MED12L: variants seen among roughly 807,000 people sequenced by gnomAD.
MED12L encodes the protein mediator complex subunit 12L.
Under a neutral mutation model 281.3 loss-of-function variants are expected in MED12L, and 60 were observed. The observed-to-expected ratio is 0.21, with a 90% confidence interval of 0.17 to 0.26. The LOEUF is 0.26. MED12L is among the 10% of genes least tolerant of loss of function. The probability of loss-of-function intolerance (pLI) is 1.00; values close to 1 mark genes in which losing one functional copy is unlikely to be tolerated. For synonymous variants in MED12L, 974 were observed against 987.2 expected (o/e 0.99, Z 0.25); for missense variants, 2,146 against 2,680.9 (o/e 0.80, Z 4.41).
chr3:151,137,484 A>G (rs1008178309), intron 5 of MED12L, among the ~76,000 whole-genome samples: 1 of 152,172 alleles, frequency 6.6e-6, no homozygotes, highest in Non-Finnish European at 1.5e-5. Context: ...GTATTTAGAA[A>G]GCAAGATCTG....
chr3:151,179,854 C>G (rs1722506858), intron 11 of MED12L, among the ~76,000 whole-genome samples: 1 of 152,188 alleles, frequency 6.6e-6, no homozygotes, highest in Non-Finnish European at 1.5e-5. Context: ...TGAAGACATT[C>G]AATCTGAGAA....
At chr3:151,419,816 A>T (rs959542762) in intron 43 of MED12L, among the ~76,000 whole-genome samples, 6 of 152,254 alleles carry the variant, frequency 3.9e-5, no homozygotes, top group African/African-American at 1.2e-4. Flanking sequence ...AAATCCTGAT[A>T]TGAAGTCAGT....
At position 151,436,647 on chromosome 3, in the gene MED12L, AAAT is replaced by A. The variant is rs142016761; in HGVS notation, c.*3846_*3848del. ...TGCCTTTGATTAAACTTCTTCCAAA[AAAT>A]AAATTCTGCCCAGATGTTGTTGACT... On this transcript the variant is annotated 3_prime_UTR_variant, in exon 45 of 45. Transcript: ENST00000687756. 7.0e-7 allele frequency: 1 copy of A among 1,423,182 alleles called. No individual in the cohort carries two copies. The highest frequency in any genetic ancestry group is 9.6e-7 in the Non-Finnish European group (1 of 1,045,480). The allele number at this position is 1,423,182 out of a possible 1,614,324, so 88.2% of individuals were successfully genotyped here. A position where few individuals can be genotyped will look rare whatever the true frequency, so the allele number is the denominator to read the frequency against.
intron 11 of MED12L, among the ~76,000 whole-genome samples, chr3:151,175,347 T>C (rs1721916872): frequency 1.3e-5 from 2 of 152,244 alleles, no homozygotes; most frequent in South Asian, 4.1e-4. Flanking sequence ...TTTATAAACA[T>C]GTCCTTTTAG....
chr3:151,242,503 G>T lies in MED12L; in HGVS notation c.2250+48837G>T, dbSNP rs563322688. Among the ~76,000 whole-genome samples, 289 of 152,306 alleles carry T rather than the reference G, an allele frequency of 1.9e-3. 1 individual carries two copies. The highest frequency in any genetic ancestry group is 6.7e-3 in the African/African-American group (279 of 41,542). ...AACTGGGAGGCACCCCCCAGCAGGG[G>T]CACACTGACACCTCACACAGCAGGG... On this transcript the variant is annotated intron_variant, in intron 16 of 44. Coordinates refer to ENST00000687756, the MANE Select transcript of MED12L (RefSeq NM_001393769.1).
chr3:151,235,036 G>A (rs1230842929), intron 16 of MED12L, among the ~76,000 whole-genome samples: 1 of 152,214 alleles, frequency 6.6e-6, no homozygotes, highest in Admixed American at 6.5e-5. Context: ...TGCGGTGGAG[G>A]TTGTGAAGAA....
rs114488170 is a variant in MED12L, at chr3:151,137,190, C to T, written c.556+9206C>T. 6.5e-3 allele frequency among the ~76,000 whole-genome samples: 935 copies of T among 143,584 alleles called. 7 individuals carry two copies. The highest frequency in any genetic ancestry group is 0.011 in the Non-Finnish European group (696 of 65,688). The allele number at this position is 143,584 out of a possible 152,430, so 94.2% of individuals were successfully genotyped here. Reference sequence around the variant, plus strand: ...AAAAAAAGAAAAAAAAAAAAAAGAACGAAAAAAAGTTTATTTTTGATCATT... The same window carrying T: ...AAAAAAAGAAAAAAAAAAAAAAGAATGAAAAAAAGTTTATTTTTGATCATT... On this transcript the variant is annotated intron_variant, in intron 5 of 44. Coordinates refer to ENST00000687756, the MANE Select transcript of MED12L (RefSeq NM_001393769.1).
chr3:151,139,900 C>G (rs1716684465), intron 5 of MED12L, among the ~76,000 whole-genome samples: 1 of 152,166 alleles, frequency 6.6e-6, no homozygotes, highest in African/African-American at 2.4e-5. Context: ...ACAAGAGGAG[C>G]TTTCATATAA....
rs1487083275 is a variant in MED12L, at chr3:151,127,850, A to G, written c.422A>G (p.Asp141Gly). The change falls in exon 5 of 45, where the codon GAT becomes GGT. Residue 141 changes from aspartate (D) to glycine (G), a missense_variant. Asp to Gly is a moderately conservative substitution (Grantham distance 94). Transcript: ENST00000687756. Reference sequence around the variant, plus strand: ...GTTCCTATCCTTAGTAAAAAAGAGGATGTTTTTGCATATTTAGCTAAATAT... The same window carrying G: ...GTTCCTATCCTTAGTAAAAAAGAGGGTGTTTTTGCATATTTAGCTAAATAT... ...KKVPILSKKE[D>G]VFAYLAKYSV... 1.2e-6 allele frequency: 2 copies of G among 1,611,416 alleles called. No individual in the cohort carries two copies. The highest frequency in any genetic ancestry group is 3.3e-5 in the Admixed American group (2 of 59,940).
At position 151,365,850 on chromosome 3, in the gene MED12L, G is replaced by A. The variant is rs1755212624; in HGVS notation, c.3186G>A (p.Arg1062=). ...NVCMGHQDAG[R]INDIANFSSE... ...TCTGTGTCTTCTTTTTCTTTTCTAG[G>A]ATTAACGACATAGCCAATTTCTCCT... Residue 1062 remains arginine (R), a splice_region_variant and synonymous_variant, in exon 23 of 45, where the codon AGG becomes AGA. Transcript: ENST00000687756. The A allele has an allele frequency of 6.2e-7, 1 of 1,606,776 alleles. No homozygotes were observed. The highest frequency in any genetic ancestry group is 8.5e-7 in the Non-Finnish European group (1 of 1,176,776).
chr3:151,198,930 G>T, intron 16 of MED12L: 1 of 1,613,826 alleles, frequency 6.2e-7, no homozygotes. Context: ...TCTTTGATGG[G>T]AATCATCATA....
chr3:151,409,453 A>T, intron 40 of MED12L, 121 bp downstream of exon 40: 1 of 794,782 alleles, frequency 1.3e-6, no homozygotes, highest in South Asian at 1.5e-5. Context: ...TACTTCTTCT[A>T]CTTATAGATT....
rs1241992025 is a variant in MED12L, at chr3:151,188,447, T to G, written c.1720T>G (p.Leu574Val). The G allele has an allele frequency of 1.2e-6, 2 of 1,613,752 alleles. No individual in the cohort carries two copies. Among genetic ancestry groups the G allele is most frequent in the Non-Finnish European group, 1.7e-6 (2 of 1,179,740 alleles). Residue 574 changes from leucine to valine, a missense_variant, in exon 13 of 45, where the codon TTA becomes GTA. Transcript: ENST00000687756. ...TTTGCCTGTTTTCCAGAATGTGCTG[T>G]TAAGGTTTTTAGATACACAGGCCCC... ...SSLPVFQNVL[L>V]RFLDTQAPSL...
intron 16 of MED12L, among the ~76,000 whole-genome samples, chr3:151,265,033 T>G (rs1036927168): frequency 6.6e-6 from 1 of 152,230 alleles, no homozygotes; most frequent in Non-Finnish European, 1.5e-5. Context: ...ATCTTCATGA[T>G]GATTTCTTCC....
In MED12L at chr3:151,213,743, C is replaced by T. The variant is rs759701613; in HGVS notation, c.2250+20077C>T. 17 of 1,613,980 alleles carry T rather than the reference C, an allele frequency of 1.1e-5. 1 individual carries two copies. The highest frequency in any genetic ancestry group is 9.9e-5 in the South Asian group (9 of 91,078). On this transcript the variant is annotated intron_variant, in intron 16 of 44. Coordinates refer to ENST00000687756, the MANE Select transcript of MED12L (RefSeq NM_001393769.1). Reference sequence around the variant, plus strand: ...AGAAACACAATCCAGAAGATGGCCACGAAGATGTAGTTTGATGCTTTGTGC... The same window carrying T: ...AGAAACACAATCCAGAAGATGGCCATGAAGATGTAGTTTGATGCTTTGTGC...
chr3:151,365,979 T>G lies in MED12L; in HGVS notation c.3315T>G (p.Leu1105=). The change falls in exon 23 of 45, where the codon CTT becomes CTG. Residue 1105 remains leucine, a synonymous_variant. Coordinates refer to ENST00000687756, the MANE Select transcript of MED12L (RefSeq NM_001393769.1). ...SNHVWGFNDV[L]CTVDVSDLSF... is the part of the protein sequence containing the mutation. Reference sequence around the variant, plus strand: ...ACGTGTGGGGGTTTAATGATGTACTTTGCACTGTAGATGTAAGTTTTCTTT... The same window carrying G: ...ACGTGTGGGGGTTTAATGATGTACTGTGCACTGTAGATGTAAGTTTTCTTT... 1 of 1,593,156 alleles carries G rather than the reference T, an allele frequency of 6.3e-7. No individual in the cohort carries two copies. Among genetic ancestry groups the G allele is most frequent in the Non-Finnish European group, 8.5e-7 (1 of 1,170,548 alleles).
intron 2 of MED12L, among the ~76,000 whole-genome samples, chr3:151,101,807 G>T (rs1934082611): frequency 6.6e-6 from 1 of 152,284 alleles, no homozygotes; most frequent in South Asian, 2.1e-4. Context: ...AGTCGGAGAG[G>T]CTGGGAGGGA....
At chr3:151,380,435 AAAAATACAAAAATTAGCCGG>A (rs1455169520) in intron 32 of MED12L, among the ~76,000 whole-genome samples, 6 of 152,194 alleles carry the variant, frequency 3.9e-5, no homozygotes, top group Middle Eastern at 3.4e-3. Context: ...CGTCTGTACT[AAAAATACAAAAATTAGCCGG>A]GCATGATGGT....
chr3:151,127,618 AT>A (rs1455459803), intron 4 of MED12L, among the ~76,000 whole-genome samples: 1 of 152,190 alleles, frequency 6.6e-6, no homozygotes, highest in Non-Finnish European at 1.5e-5. Context: ...AGTTTTGATT[AT>A]TTTTTTCTTA....
Sources: gnomAD v4.1 joint callset for allele counts (sites outside exome capture counted in the v4.1 genomes callset) on GRCh38, gnomAD v4.1.1 for gene constraint, MANE v1.5 for transcripts, NCBI Gene and HGNC (gene_info 2026-07-23, HGNC 2026-07-21) for gene names.